Variants in KCNAB1 observed in about 807,000 individuals in gnomAD.
The protein encoded by KCNAB1 is voltage-gated potassium channel subunit beta-1.
Under a neutral mutation model 64.6 loss-of-function variants are expected in KCNAB1, and 35 were observed. The observed-to-expected ratio is 0.54, with a 90% CI of 0.41 to 0.72. KCNAB1 has a LOEUF of 0.72. Ranked by LOEUF, KCNAB1 falls within the 30% of genes least tolerant of loss-of-function variation. The pLI is 0.00. For missense variants in KCNAB1, 401 were observed against 512.9 expected (o/e 0.78, Z 2.11); for synonymous variants, 177 against 183.8 (o/e 0.96, Z 0.30).
chr3:156,294,407 C>T (rs963951357), intron 1 of KCNAB1, among the ~76,000 whole-genome samples: 1 of 152,156 alleles, frequency 6.6e-6, no homozygotes, highest in African/African-American at 2.4e-5. Flanking sequence ...TCTTCTGTTT[C>T]AGATTCTACT....
At chr3:156,489,738 C>A (rs1292829573) in intron 8 of KCNAB1, among the ~76,000 whole-genome samples, 1 of 151,914 alleles carries the variant, frequency 6.6e-6, no homozygotes, top group Non-Finnish European at 1.5e-5. Flanking sequence ...GAACTGAAAA[C>A]CTAGACCAAT....
intron 1 of KCNAB1, among the ~76,000 whole-genome samples, chr3:156,244,324 TCACTTTCTTC>T (rs1428726490): frequency 2.6e-5 from 4 of 152,190 alleles, no homozygotes. Context: ...TCTCCTTTTC[TCACTTTCTTC>T]CTCTTGTCTC....
intron 1 of KCNAB1, 22 bp from the exon 2 acceptor site, chr3:156,421,594 T>C (rs1446546936): frequency 1.2e-6 from 2 of 1,612,418 alleles, no homozygotes; most frequent in African/African-American, 1.3e-5. Context: ...GATGACCAAG[T>C]GTTGCTTTGT....
At chr3:156,291,257 A>G in intron 1 of KCNAB1, 2 of 986,880 alleles carry the variant, frequency 2.0e-6, no homozygotes, top group East Asian at 2.3e-4. Flanking sequence ...CTTTCGCTCG[A>G]GAATGAGTGG....
chr3:156,519,880 G>A (rs1366706348), intron 11 of KCNAB1, among the ~76,000 whole-genome samples: 1 of 152,224 alleles, frequency 6.6e-6, no homozygotes, highest in Non-Finnish European at 1.5e-5. Flanking sequence ...CTTAGGTCAT[G>A]TGCCACCCTG....
chr3:156,453,443 A>C (rs185651037), intron 3 of KCNAB1, among the ~76,000 whole-genome samples: 1 of 152,302 alleles, frequency 6.6e-6, no homozygotes, highest in Admixed American at 6.5e-5. Context: ...ATGAGATGCT[A>C]ATGCTAACTT....
At chr3:156,328,266 G>A (rs576044429) in intron 1 of KCNAB1, among the ~76,000 whole-genome samples, 1 of 152,128 alleles carries the variant, frequency 6.6e-6, no homozygotes, top group Non-Finnish European at 1.5e-5. Flanking sequence ...CTTAAAAAGA[G>A]TTTGGGCTCT....
chr3:156,165,253 G>A (rs1314989179), intron 1 of KCNAB1, among the ~76,000 whole-genome samples: 1 of 141,372 alleles, frequency 7.1e-6, no homozygotes, highest in Non-Finnish European at 1.5e-5. Context: ...ACTCCAGCCT[G>A]GGCGACAGAG....
chr3:156,508,790 G>A lies in KCNAB1; in HGVS notation c.659-5574G>A, dbSNP rs946740713. 6.6e-6 allele frequency among the ~76,000 whole-genome samples: 1 copy of A among 152,218 alleles called. No individual in the cohort carries two copies. The highest frequency in any genetic ancestry group is 1.5e-5 in the Non-Finnish European group (1 of 68,036). ...CTGCAGCATTTATAGGGAGCCACCT[G>A]TGTGCTAGGGATACAGGGAGTATGT... On this transcript the variant is annotated intron_variant, in intron 8 of 13. Coordinates refer to ENST00000490337, the MANE Select transcript of KCNAB1 (RefSeq NM_172160.3). The surrounding 1 kb of genome is among the most constrained non-coding windows in gnomAD (Gnocchi z 4.1).
At chr3:156,492,681 A>C (rs1000838070) in intron 8 of KCNAB1, among the ~76,000 whole-genome samples, 1 of 152,160 alleles carries the variant, frequency 6.6e-6, no homozygotes, top group African/African-American at 2.4e-5. Flanking sequence ...GCCACTAAAA[A>C]AATGAAAACA....
chr3:156,356,118 T>TAAAAAAAAAAAAAAAAAGAA (rs1725217326), intron 1 of KCNAB1, among the ~76,000 whole-genome samples: 1 of 88,320 alleles, frequency 1.1e-5, no homozygotes. Flanking sequence ...TGGGACCCTG[T>TAAAAAAAAAAAAAAAAAGAA]AAAAAAAAAA....
intron 2 of KCNAB1, among the ~76,000 whole-genome samples, chr3:156,434,558 T>C (rs1433717901): frequency 6.6e-6 from 1 of 152,156 alleles, no homozygotes; most frequent in African/African-American, 2.4e-5. Context: ...GGTGTCATCA[T>C]AGTAAACTAC....
At chr3:156,488,814 G>A (rs1715411320) in intron 8 of KCNAB1, among the ~76,000 whole-genome samples, 1 of 152,136 alleles carries the variant, frequency 6.6e-6, no homozygotes, top group African/African-American at 2.4e-5. Context: ...AGAATAGGGT[G>A]CAGATGAGGG....
At chr3:156,494,990 C>T (rs1043267132) in intron 8 of KCNAB1, among the ~76,000 whole-genome samples, 1 of 152,032 alleles carries the variant, frequency 6.6e-6, no homozygotes, top group African/African-American at 2.4e-5. Flanking sequence ...AGGCCAGCAT[C>T]CCTTAGCTAT....
chr3:156,421,905 C>T (rs1715490943), intron 2 of KCNAB1, among the ~76,000 whole-genome samples: 2 of 152,216 alleles, frequency 1.3e-5, no homozygotes, highest in South Asian at 4.1e-4. Context: ...TAAAGCACAC[C>T]TCAGAGAAAG....
At chr3:156,427,942 A>C (rs868012865) in intron 2 of KCNAB1, among the ~76,000 whole-genome samples, 58 of 152,264 alleles carry the variant, frequency 3.8e-4, no homozygotes, top group Middle Eastern at 3.4e-3. Flanking sequence ...AACACACCAC[A>C]ATGTCCAGCT....
intron 1 of KCNAB1, among the ~76,000 whole-genome samples, chr3:156,310,646 T>C (rs1441589364): frequency 6.6e-6 from 1 of 151,698 alleles, no homozygotes; most frequent in African/African-American, 2.4e-5. Flanking sequence ...TACTAAAAAG[T>C]ACAAAAAATT....
At chr3:156,392,754 T>A (rs1713142060) in intron 1 of KCNAB1, among the ~76,000 whole-genome samples, 2 of 152,232 alleles carry the variant, frequency 1.3e-5, no homozygotes, top group Non-Finnish European at 2.9e-5. Context: ...AAAGGACATT[T>A]TTTCCCCTTA....
intron 1 of KCNAB1, among the ~76,000 whole-genome samples, chr3:156,274,752 T>C (rs951888222): frequency 6.6e-6 from 1 of 152,214 alleles, no homozygotes; most frequent in Non-Finnish European, 1.5e-5. Flanking sequence ...ATTACGTACA[T>C]TTAAGGTGTA....
Sources: allele counts gnomAD v4.1 joint callset (sites outside exome capture counted in the v4.1 genomes callset), GRCh38; gene constraint gnomAD v4.1.1; non-coding constraint Gnocchi (gnomAD v3.1); transcripts MANE v1.5; gene names NCBI Gene and HGNC (gene_info 2026-07-23, HGNC 2026-07-21).